SUCLA2: variants seen among roughly 807,000 people sequenced by gnomAD.
SUCLA2 encodes the protein succinate--CoA ligase [ADP-forming] subunit beta, mitochondrial.
Under a neutral mutation model 54.8 loss-of-function variants are expected in SUCLA2, and 30 were observed. That is an observed-to-expected ratio of 0.55 (90% CI 0.41 to 0.74). The LOEUF (loss-of-function observed/expected upper bound fraction) is 0.74. Ranked by LOEUF, SUCLA2 falls within the 30% of genes least tolerant of loss-of-function variation. The probability of loss-of-function intolerance (pLI) is 0.00; values close to 1 mark genes in which losing one functional copy is unlikely to be tolerated. For synonymous variants in SUCLA2, 172 were observed against 188.9 expected (o/e 0.91, Z 0.74); for missense variants, 476 against 562.9 (o/e 0.85, Z 1.56).
At chr13:47,990,028 C>A (rs1950137326) in intron 2 of SUCLA2, among the ~76,000 whole-genome samples, 1 of 152,108 alleles carries the variant, frequency 6.6e-6, no homozygotes, top group South Asian at 2.1e-4. Flanking sequence ...GGCTGTTTAG[C>A]CTAGATAGTA....
intron 4 of SUCLA2, 150 bp downstream of exon 4, chr13:47,988,391 T>A: frequency 1.2e-6 from 1 of 861,494 alleles, no homozygotes; most frequent in Non-Finnish European, 1.7e-6. Flanking sequence ...AAGCTGTTTT[T>A]TAAATGACAT....
In SUCLA2 at chr13:47,968,606, G is replaced by T; in HGVS notation, c.791C>A (p.Ser264Ter). Residue 264 changes from serine (S) to a stop codon, truncating the protein, a stop_gained, in exon 6 of 11, where the codon TCA becomes TAA. Transcript: ENST00000646932. LOFTEE classifies it high-confidence loss of function. ...MIEINPMVED[S>*]DGAVLCMDAK... is the part of the protein sequence containing the mutation. ...AGAAGATACTTTACCAGCTCCATCT[G>T]AATCTTCCACCATTGGATTTATTTC... The T allele has an allele frequency of 1.2e-6, 2 of 1,611,576 alleles. No homozygotes were observed. The highest frequency in any genetic ancestry group is 1.7e-6 in the Non-Finnish European group (2 of 1,179,734).
intron 10 of SUCLA2, among the ~76,000 whole-genome samples, chr13:47,943,766 G>GTGTATATA (rs1300486540): frequency 2.6e-4 from 36 of 139,662 alleles, no homozygotes; most frequent in African/African-American, 9.7e-4. Flanking sequence ...GTGTGTGTGT[G>GTGTATATA]TATATATATA....
chr13:47,995,572 A>T (rs2031591), intron 2 of SUCLA2, among the ~76,000 whole-genome samples: 34,448 of 152,092 alleles, frequency 0.23, 4,581 homozygotes, highest in African/African-American at 0.38. Context: ...ACAAATAAGT[A>T]CTACACAAGA....
intron 5 of SUCLA2, chr13:47,972,005 C>T (rs1949970440): frequency 2.5e-6 from 1 of 394,880 alleles, no homozygotes; most frequent in African/African-American, 2.1e-5. Context: ...AATCTTAGCA[C>T]TTCAGGAGGC....
At chr13:47,995,195 A>C (rs894191158) in intron 2 of SUCLA2, among the ~76,000 whole-genome samples, 3 of 151,846 alleles carry the variant, frequency 2.0e-5, no homozygotes, top group Non-Finnish European at 4.4e-5. Context: ...TCTAAAAAAA[A>C]TTTTTTTTTG....
At chr13:47,987,126 C>G (rs1950110376) in intron 4 of SUCLA2, among the ~76,000 whole-genome samples, 1 of 152,158 alleles carries the variant, frequency 6.6e-6, no homozygotes, top group Non-Finnish European at 1.5e-5. Context: ...AACATTTTAT[C>G]CTCAACAAGA....
chr13:47,960,650 T>A (rs1189362993), intron 6 of SUCLA2, among the ~76,000 whole-genome samples: 1 of 152,082 alleles, frequency 6.6e-6, no homozygotes, highest in Non-Finnish European at 1.5e-5. Flanking sequence ...TCAAACTAAT[T>A]TAGTTGTGTG....
chr13:47,949,405 G>A (rs1054294894), intron 9 of SUCLA2, 78 bp downstream of exon 9: 4 of 1,521,088 alleles, frequency 2.6e-6, no homozygotes, highest in Non-Finnish European at 3.6e-6. Flanking sequence ...TAAAAACTAT[G>A]TTTTAACAAA....
rs1949938538 is a variant in SUCLA2, at chr13:47,968,743, A to G, written c.664-10T>C. 1.9e-6 allele frequency: 3 copies of G among 1,612,056 alleles called. No homozygotes were observed. The highest frequency in any genetic ancestry group is 2.5e-6 in the Non-Finnish European group (3 of 1,179,688). On this transcript the variant is annotated splice_polypyrimidine_tract_variant and intron_variant, in intron 5 of 10. Transcript: ENST00000646932. ...CCATCTTCTGTGCAAGCTGAAATCAATATGTCTTTTTATTATAGGTAGTTT... is the reference window on the plus strand; with the variant it reads ...CCATCTTCTGTGCAAGCTGAAATCAGTATGTCTTTTTATTATAGGTAGTTT...
At chr13:47,980,523 T>G (rs779404184) in intron 4 of SUCLA2, among the ~76,000 whole-genome samples, 2 of 152,134 alleles carry the variant, frequency 1.3e-5, no homozygotes, top group Admixed American at 6.6e-5. Flanking sequence ...CATACTACCC[T>G]AAGCAATCTA....
intron 8 of SUCLA2, among the ~76,000 whole-genome samples, chr13:47,950,074 C>T (rs1044546264): frequency 6.6e-6 from 1 of 152,220 alleles, no homozygotes; most frequent in Non-Finnish European, 1.5e-5. Flanking sequence ...TAATGTTTGA[C>T]TCCTGCAGAG....
intron 10 of SUCLA2, among the ~76,000 whole-genome samples, chr13:47,944,938 C>T (rs1181529303): frequency 6.6e-6 from 1 of 151,906 alleles, no homozygotes; most frequent in Non-Finnish European, 1.5e-5. Flanking sequence ...GCCTGGTCAA[C>T]ATGGCAAAAC....
chr13:47,978,846 T>C (rs1950038527), intron 4 of SUCLA2, among the ~76,000 whole-genome samples: 1 of 151,736 alleles, frequency 6.6e-6, no homozygotes, highest in Admixed American at 6.6e-5. Flanking sequence ...CATCAAAAAG[T>C]GGGAGAAGGA....
chr13:47,995,269 G>A (rs1950182448), intron 2 of SUCLA2, among the ~76,000 whole-genome samples: 1 of 151,764 alleles, frequency 6.6e-6, no homozygotes, highest in Non-Finnish European at 1.5e-5. Context: ...TATAAATCAG[G>A]TCCCATTAAC....
At chr13:47,961,798 T>TAGA (rs1326867869) in intron 6 of SUCLA2, among the ~76,000 whole-genome samples, 3 of 152,362 alleles carry the variant, frequency 2.0e-5, no homozygotes, top group African/African-American at 7.2e-5. Flanking sequence ...CCTTATCAAC[T>TAGA]GTGTCTTTAT....
chr13:47,982,520 T>A lies in SUCLA2; in HGVS notation c.534+6021A>T, dbSNP rs372641852. Among the ~76,000 whole-genome samples, 18 of 151,930 alleles carry A rather than the reference T, an allele frequency of 1.2e-4. No homozygotes were observed. In the East Asian group the frequency reaches 3.3e-3, roughly 28 times the overall value. ...TTAAAGAAAAAAAAAGATTTGGATA[T>A]CTGTTCTGGAGATGTTGCACAAAAT... On this transcript the variant is annotated intron_variant, in intron 4 of 10. Coordinates refer to ENST00000646932, the MANE Select transcript of SUCLA2 (RefSeq NM_003850.3).
intron 5 of SUCLA2, 38 bp from the exon 6 acceptor site, chr13:47,968,771 A>G: frequency 6.2e-7 from 1 of 1,605,300 alleles, no homozygotes; most frequent in South Asian, 1.1e-5. Context: ...GGTAGTTTGC[A>G]TATGTCTAAT....
At position 47,996,942 on chromosome 13, in the gene SUCLA2, A is replaced by G. The variant is rs946209058; in HGVS notation, c.172T>C (p.Tyr58His). Residue 58 changes from tyrosine to histidine, a missense_variant, in exon 2 of 11, where the codon TAC becomes CAC. Around this residue, in one of 2 missense-constraint regions of SUCLA2, gnomAD observed 134 missense variants for 118.7 expected, o/e 1.13. Coordinates refer to ENST00000646932, the MANE Select transcript of SUCLA2 (RefSeq NM_003850.3). ...TCTTGCAATAATTCCATACTCATGTATTCATGTAGTGAGAGATTCCTTTGC... is the reference window on the plus strand; with the variant it reads ...TCTTGCAATAATTCCATACTCATGTGTTCATGTAGTGAGAGATTCCTTTGC... ...QQQRNLSLHE[Y>H]MSMELLQEAG... The G allele has an allele frequency of 4.3e-6, 7 of 1,613,976 alleles. No homozygotes were observed. Among genetic ancestry groups the G allele is most frequent in the Non-Finnish European group, 5.9e-6 (7 of 1,179,988 alleles).
Sources: gnomAD v4.1 joint callset for allele counts (sites outside exome capture counted in the v4.1 genomes callset) on GRCh38, gnomAD v4.1.1 for gene constraint, gnomAD v4.1.1 regional missense constraint, MANE v1.5 for transcripts, NCBI Gene and HGNC (gene_info 2026-07-23, HGNC 2026-07-21) for gene names.